Variants in AGBL1 observed in about 807,000 individuals in gnomAD.
AGBL1 encodes AGBL carboxypeptidase 1, also known as cytosolic carboxypeptidase 4.
AGBL1 carries 130 observed loss-of-function variants against 118.9 expected under a neutral mutation model. The observed-to-expected ratio is 1.09, with a 90% CI of 0.95 to 1.26. The LOEUF (loss-of-function observed/expected upper bound fraction) is 1.26, where lower values mean the gene tolerates loss of function less well. Ranked by LOEUF, AGBL1 falls within the 50% of genes most tolerant of loss-of-function variation. The pLI is 0.00. For missense variants in AGBL1, 1,584 were observed against 1,298.1 expected (o/e 1.22, Z -3.38); for synonymous variants, 555 against 478.9 (o/e 1.16, Z -2.08).
intron 2 of AGBL1, among the ~76,000 whole-genome samples, 194 bp from the exon 3 acceptor site, chr15:86,143,505 A>G (rs963429191): frequency 6.6e-6 from 1 of 152,144 alleles, no homozygotes; most frequent in Non-Finnish European, 1.5e-5. Context: ...ATATTCCACT[A>G]TTTTCCTATT....
At chr15:86,299,265 G>A (rs113233979) in intron 17 of AGBL1, among the ~76,000 whole-genome samples, 5 of 152,256 alleles carry the variant, frequency 3.3e-5, no homozygotes, top group African/African-American at 1.2e-4. Flanking sequence ...AGTGAACAGG[G>A]AAGTTCTCTG....
intron 18 of AGBL1, among the ~76,000 whole-genome samples, chr15:86,466,056 A>G (rs948448477): frequency 6.6e-6 from 1 of 152,042 alleles, no homozygotes; most frequent in Non-Finnish European, 1.5e-5. Flanking sequence ...TTTCTTTTGT[A>G]TTCTTTCTCT....
intron 18 of AGBL1, among the ~76,000 whole-genome samples, chr15:86,437,943 T>C (rs922180170): frequency 2.6e-5 from 4 of 152,168 alleles, no homozygotes; most frequent in African/African-American, 9.7e-5. Context: ...TCTCATTCTA[T>C]TGCCCAGGCT....
Position 86,130,205 on chromosome 15 carries a change from C to T in AGBL1, c.52-11799C>T, listed in dbSNP as rs555665867. ...TGAGTTTTCTGAGGGCACACCTGTCCTCTGAGACTCCTGGGCATGTTTCCA... is the reference window on the plus strand; with the variant it reads ...TGAGTTTTCTGAGGGCACACCTGTCTTCTGAGACTCCTGGGCATGTTTCCA... On this transcript the variant is annotated intron_variant, in intron 1 of 22. Coordinates refer to ENST00000614907, the MANE Select transcript of AGBL1 (RefSeq NM_001386094.1). 3.3e-5 allele frequency among the ~76,000 whole-genome samples: 5 copies of T among 152,254 alleles called. No individual in the cohort carries two copies. The South Asian group carries it at 1.0e-3, about 32-fold the overall frequency.
Position 86,922,322 on chromosome 15 carries a change from G to T in AGBL1, c.3222-65665G>T, listed in dbSNP as rs6496373. On this transcript the variant is annotated intron_variant, in intron 23 of 24. Coordinates refer to the AGBL1 transcript ENST00000441037. ...TGTTATTTTTCTCAGATGAAGTCTC[G>T]CTCTGTCACCCAGGCTGGAGTGCAA... Among the ~76,000 whole-genome samples the T allele has an allele frequency of 2.3e-4, 35 of 152,232 alleles. No individual in the cohort carries two copies. In the East Asian group the frequency reaches 5.6e-3, roughly 24 times the overall value.
At chr15:86,955,826 G>A (rs1188870655) in intron 23 of AGBL1, among the ~76,000 whole-genome samples, 2 of 152,102 alleles carry the variant, frequency 1.3e-5, no homozygotes, top group East Asian at 3.9e-4. Flanking sequence ...CTCCATAGAA[G>A]AAAGGTTTTA....
At chr15:86,799,054 T>C (rs1306836814) in intron 22 of AGBL1, among the ~76,000 whole-genome samples, 1 of 152,072 alleles carries the variant, frequency 6.6e-6, no homozygotes, top group East Asian at 1.9e-4. Flanking sequence ...TGATTAGTGC[T>C]CAGTGTCTGG....
intron 17 of AGBL1, among the ~76,000 whole-genome samples, chr15:86,335,032 T>A (rs1480673706): frequency 6.6e-6 from 1 of 152,152 alleles, no homozygotes; most frequent in Non-Finnish European, 1.5e-5. Flanking sequence ...GTTGAAGAAC[T>A]TAAGAAAATG....
At chr15:86,736,668 G>A (rs1016146189) in intron 22 of AGBL1, among the ~76,000 whole-genome samples, 5 of 152,040 alleles carry the variant, frequency 3.3e-5, no homozygotes, top group African/African-American at 9.7e-5. Context: ...AAACTACACC[G>A]CTTCATCCAT....
At chr15:86,473,352 A>G (rs997885597) in intron 18 of AGBL1, among the ~76,000 whole-genome samples, 4 of 152,212 alleles carry the variant, frequency 2.6e-5, no homozygotes, top group Middle Eastern at 3.2e-3. Context: ...GTCAGTTGTT[A>G]GGAAAATTTT....
chr15:86,519,180 CTT>C (rs2083157022), intron 18 of AGBL1, among the ~76,000 whole-genome samples: 1 of 152,124 alleles, frequency 6.6e-6, no homozygotes. Flanking sequence ...GCTCAAGCCT[CTT>C]ATATAAAATG....
chr15:86,603,457 G>A (rs1429272825), intron 21 of AGBL1, among the ~76,000 whole-genome samples: 1 of 151,612 alleles, frequency 6.6e-6, no homozygotes, highest in Admixed American at 6.6e-5. Flanking sequence ...CAAGCATCTG[G>A]GCACTTGGCT....
intron 22 of AGBL1, among the ~76,000 whole-genome samples, chr15:86,790,827 T>C (rs2141329288): frequency 6.6e-6 from 1 of 152,124 alleles, no homozygotes; most frequent in African/African-American, 2.4e-5. Flanking sequence ...TGGTAGCAGC[T>C]CCTGGAACAC....
At position 86,158,981 on chromosome 15, in the gene AGBL1, T is replaced by G; in HGVS notation, c.443T>G (p.Phe148Cys). 3 of 1,613,416 alleles carry G rather than the reference T, an allele frequency of 1.9e-6. No homozygotes were observed. The highest frequency in any genetic ancestry group is 2.5e-6 in the Non-Finnish European group (3 of 1,179,462). ...LGINGAMELL[F>C]KVITPYTRKR... ...ATTAATGGAGCCATGGAACTGCTTT[T>G]CAAGGTTATTACTCCTTACACCCGA... The change falls in exon 5 of 23, where the codon TTC (phenylalanine) becomes TGC (cysteine). Residue 148 changes from phenylalanine (F) to cysteine (C), a missense_variant. Physicochemically the swap from Phe to Cys is radical, Grantham distance 205. Coordinates refer to ENST00000614907, the MANE Select transcript of AGBL1 (RefSeq NM_001386094.1).
At chr15:86,238,358 G>C (rs972987828) in intron 6 of AGBL1, among the ~76,000 whole-genome samples, 6 of 152,174 alleles carry the variant, frequency 3.9e-5, no homozygotes, top group African/African-American at 1.2e-4. Flanking sequence ...TTGCTGAATG[G>C]ATTAAGGGTG....
At chr15:86,701,537 A>G (rs2086357999) in intron 22 of AGBL1, among the ~76,000 whole-genome samples, 1 of 152,130 alleles carries the variant, frequency 6.6e-6, no homozygotes, top group Admixed American at 6.6e-5. Flanking sequence ...TTATACTCAA[A>G]GGTTAAGACT....
At chr15:86,397,592 C>G in intron 18 of AGBL1, 46 bp downstream of exon 18, 1 of 1,527,562 alleles carries the variant, frequency 6.5e-7, no homozygotes, top group Non-Finnish European at 8.9e-7. Context: ...TATGCTACCA[C>G]AGTGACACTG....
chr15:86,475,013 C>T (rs1348158391), intron 18 of AGBL1, among the ~76,000 whole-genome samples: 1 of 152,188 alleles, frequency 6.6e-6, no homozygotes, highest in Non-Finnish European at 1.5e-5. Flanking sequence ...AGCTGAGGGT[C>T]CTGAATGTTA....
intron 5 of AGBL1, among the ~76,000 whole-genome samples, chr15:86,167,771 A>G (rs554704248): frequency 1.3e-5 from 2 of 152,338 alleles, no homozygotes; most frequent in East Asian, 1.9e-4. Context: ...ATGTGTAGCC[A>G]TGGAAAGCTA....
Sources: gnomAD v4.1 joint callset for allele counts (sites outside exome capture counted in the v4.1 genomes callset) on GRCh38, gnomAD v4.1.1 for gene constraint, MANE v1.5 for transcripts, NCBI Gene and HGNC (gene_info 2026-07-23, HGNC 2026-07-21) for gene names.